Variants in PCLO observed in about 807,000 individuals in gnomAD.
PCLO encodes the protein piccolo presynaptic cytomatrix protein, also known as protein piccolo.
A neutral mutation model predicts 427.5 loss-of-function variants in PCLO; 82 were observed. The observed-to-expected ratio is 0.19, with a 90% CI of 0.16 to 0.23. The LOEUF (loss-of-function observed/expected upper bound fraction) is 0.23. PCLO is among the 10% of genes least tolerant of loss of function. The pLI, the probability that PCLO is intolerant of heterozygous loss-of-function variation, is 1.00. For missense variants in PCLO, 6,239 were observed against 6,115.9 expected (o/e 1.02, Z -0.67); for synonymous variants, 2,357 against 2,155.4 (o/e 1.09, Z -2.59).
At chr7:82,758,763 C>T (rs1344662209) in intron 24 of PCLO, 48 bp from the exon 25 acceptor site, 57 of 1,127,012 alleles carry the variant, frequency 5.1e-5, no homozygotes, top group Non-Finnish European at 7.2e-5. Flanking sequence ...TACACATATA[C>T]ATGTGTATAG....
intron 3 of PCLO, among the ~76,000 whole-genome samples, chr7:83,024,343 T>C (rs957742346): frequency 6.6e-6 from 1 of 152,286 alleles, no homozygotes; most frequent in East Asian, 1.9e-4. Context: ...AAAGGGGTGA[T>C]GGACGGCACC....
At chr7:82,895,677 T>A (rs1352771851) in intron 9 of PCLO, among the ~76,000 whole-genome samples, 4 of 151,936 alleles carry the variant, frequency 2.6e-5, no homozygotes, top group Non-Finnish European at 5.9e-5. Flanking sequence ...TAAAGTATGA[T>A]GAATACATTT....
chr7:83,016,633 G>A (rs753049925), intron 3 of PCLO, among the ~76,000 whole-genome samples: 2 of 152,070 alleles, frequency 1.3e-5, no homozygotes, highest in Non-Finnish European at 1.5e-5. Context: ...CTGTATGCTA[G>A]GCTCATGAAT....
At chr7:82,828,240 T>G (rs951203024) in intron 16 of PCLO, among the ~76,000 whole-genome samples, 2 of 152,136 alleles carry the variant, frequency 1.3e-5, no homozygotes, top group Admixed American at 1.3e-4. Context: ...TCAGAAATCT[T>G]GCTCATTCCT....
chr7:82,790,285 C>T (rs1264082444), intron 22 of PCLO, among the ~76,000 whole-genome samples: 1 of 152,116 alleles, frequency 6.6e-6, no homozygotes, highest in African/African-American at 2.4e-5. Flanking sequence ...AGTCTAAGTT[C>T]TTCCTGACAG....
intron 2 of PCLO, among the ~76,000 whole-genome samples, chr7:83,139,495 T>C (rs1791812368): frequency 6.6e-6 from 1 of 152,190 alleles, no homozygotes; most frequent in Non-Finnish European, 1.5e-5. Context: ...GGACACATTT[T>C]ATACTATCTT....
chr7:83,032,203 A>G (rs1406137873), intron 3 of PCLO, among the ~76,000 whole-genome samples: 1 of 152,146 alleles, frequency 6.6e-6, no homozygotes, highest in Non-Finnish European at 1.5e-5. Flanking sequence ...TTCACTCTAC[A>G]AATCTTATTA....
chr7:83,054,148 G>A (rs1477306700), intron 3 of PCLO, among the ~76,000 whole-genome samples: 4 of 152,074 alleles, frequency 2.6e-5, no homozygotes, highest in African/African-American at 9.6e-5. Context: ...TATATAAAAT[G>A]TTCACAAGTT....
intron 3 of PCLO, among the ~76,000 whole-genome samples, chr7:83,094,425 T>C (rs1790479083): frequency 6.6e-6 from 1 of 152,080 alleles, no homozygotes; most frequent in South Asian, 2.1e-4. Flanking sequence ...GCCAGGATGG[T>C]CTCGATCTCT....
intron 3 of PCLO, among the ~76,000 whole-genome samples, chr7:83,108,337 CATCT>C (rs1477431984): frequency 6.6e-6 from 1 of 152,066 alleles, no homozygotes; most frequent in African/African-American, 2.4e-5. Flanking sequence ...CAGCAGATAG[CATCT>C]ATCTACCTAC....
intron 10 of PCLO, among the ~76,000 whole-genome samples, chr7:82,873,409 G>GTT (rs1439795039): frequency 2.6e-5 from 4 of 152,008 alleles, no homozygotes; most frequent in Non-Finnish European, 5.9e-5. Context: ...AATAAGCTAT[G>GTT]TGAGTCTTAT....
At chr7:82,825,504 T>A (rs1313824591) in intron 18 of PCLO, among the ~76,000 whole-genome samples, 1 of 151,900 alleles carries the variant, frequency 6.6e-6, no homozygotes, top group Non-Finnish European at 1.5e-5. Context: ...ATTATCACCT[T>A]GATTACACAA....
At chr7:83,103,565 C>A (rs1417603446) in intron 3 of PCLO, among the ~76,000 whole-genome samples, 1 of 151,878 alleles carries the variant, frequency 6.6e-6, no homozygotes, top group African/African-American at 2.4e-5. Context: ...TTGTCTTAAC[C>A]TATGCATACT....
rs1261457378 is a variant in PCLO at position 82,758,505 on chromosome 7, T to C, written c.*70A>G. 8 of 1,333,194 alleles carry C rather than the reference T, an allele frequency of 6.0e-6. No homozygotes were observed. Among genetic ancestry groups the C allele is most frequent in the African/African-American group, 4.4e-5 (3 of 67,424 alleles). 82.6% of individuals were successfully genotyped at this position (1,333,194 alleles called of 1,614,324 possible). On this transcript the variant is annotated 3_prime_UTR_variant, in exon 25 of 25. Coordinates refer to ENST00000333891, the MANE Select transcript of PCLO (RefSeq NM_033026.6). ...CCTCTCAAAACTTAGCTTTGTACAA[T>C]AGTATTCAACTATAGTCTTGATGTG...
chr7:83,159,942 G>C (rs1445458236), intron 1 of PCLO, among the ~76,000 whole-genome samples: 3 of 152,082 alleles, frequency 2.0e-5, no homozygotes, highest in Non-Finnish European at 4.4e-5. Context: ...CCTGGTTTGT[G>C]GGCAGAGGAG....
chr7:82,808,027 T>C (rs1223007428), intron 20 of PCLO, among the ~76,000 whole-genome samples: 1 of 151,920 alleles, frequency 6.6e-6, no homozygotes, highest in African/African-American at 2.4e-5. Context: ...GGATGTAAAA[T>C]GATGGACATG....
intron 3 of PCLO, among the ~76,000 whole-genome samples, chr7:83,011,625 A>G (rs559513123): frequency 6.6e-6 from 1 of 152,180 alleles, no homozygotes; most frequent in African/African-American, 2.4e-5. Flanking sequence ...ACAAATCCTA[A>G]GAGAATTTTA....
At chr7:83,082,797 A>G (rs1264381618) in intron 3 of PCLO, among the ~76,000 whole-genome samples, 1 of 151,778 alleles carries the variant, frequency 6.6e-6, no homozygotes. Flanking sequence ...ATGATTAAAA[A>G]TAAAAAATAT....
intron 10 of PCLO, among the ~76,000 whole-genome samples, chr7:82,866,800 T>C (rs1336145906): frequency 6.6e-6 from 1 of 152,116 alleles, no homozygotes; most frequent in Non-Finnish European, 1.5e-5. Flanking sequence ...TAGTACTCCA[T>C]AACTATGCTG....
Sources: allele counts gnomAD v4.1 joint callset (sites outside exome capture counted in the v4.1 genomes callset), GRCh38; gene constraint gnomAD v4.1.1; transcripts MANE v1.5; gene names NCBI Gene and HGNC (gene_info 2026-07-23, HGNC 2026-07-21).